CAPG: variants seen among roughly 807,000 people sequenced by gnomAD.
CAPG encodes capping actin protein, gelsolin like, also known as macrophage-capping protein.
Under a neutral mutation model 44.6 loss-of-function variants are expected in CAPG, and 32 were observed. That is an observed-to-expected ratio of 0.72 (90% CI 0.54 to 0.96). The LOEUF is 0.96. Among genes scored for constraint, CAPG ranks in the 50% least tolerant of loss-of-function variants. The pLI is 0.00. For synonymous variants in CAPG, 175 were observed against 179.6 expected (o/e 0.97, Z 0.20); for missense variants, 412 against 438.3 (o/e 0.94, Z 0.54).
chr2:85,405,883 A>T (rs1328788270), intron 1 of CAPG, among the ~76,000 whole-genome samples: 4 of 152,188 alleles, frequency 2.6e-5, no homozygotes, highest in Admixed American at 2.6e-4. Flanking sequence ...AGCTCAAGCC[A>T]TCAGGGAGCG....
At chr2:85,417,937 A>AT (rs1687603152) in intron 1 of CAPG, among the ~76,000 whole-genome samples, 1 of 152,060 alleles carries the variant, frequency 6.6e-6, no homozygotes. Flanking sequence ...AACTCGGTTT[A>AT]TTTTTGTCGT....
At chr2:85,393,936 G>C (rs11681965), downstream of CAPG, among the ~76,000 whole-genome samples, 7,204 of 152,210 alleles carry the variant, frequency 0.047, 235 homozygotes, top group Non-Finnish European at 0.074. Flanking sequence ...TTTTTGTTTT[G>C]GGATGAAAGA....
chr2:85,407,129 C>T (rs1182076167), intron 1 of CAPG, among the ~76,000 whole-genome samples: 2 of 151,922 alleles, frequency 1.3e-5, no homozygotes, highest in Non-Finnish European at 2.9e-5. Context: ...TGAGGTTTCA[C>T]CATGTCAGTC....
At chr2:85,408,204 T>C (rs1242873271) in intron 1 of CAPG, among the ~76,000 whole-genome samples, 2 of 152,060 alleles carry the variant, frequency 1.3e-5, no homozygotes, top group African/African-American at 2.4e-5. Flanking sequence ...TAGCCAGGCA[T>C]GGTGGTGCGT....
Position 85,395,635 on chromosome 2 carries a change from T to C in CAPG, c.893-9A>G, listed in dbSNP as rs764620906. On this transcript the variant is annotated splice_polypyrimidine_tract_variant and intron_variant, in intron 8 of 9. Coordinates refer to ENST00000263867, the MANE Select transcript of CAPG (RefSeq NM_001747.4). This position sits in a 1 kb window ranked among gnomAD's most constrained non-coding sequence, Gnocchi z 4.3. ...CTCATTCGCTTTTCGCCCTAGATCA[T>C]AGGAAGGAGATTTTTAAAAAGAGCA... 1 of 1,608,748 alleles carries C rather than the reference T, an allele frequency of 6.2e-7. No homozygotes were observed. Among genetic ancestry groups the C allele is most frequent in the South Asian group, 1.1e-5 (1 of 90,530 alleles).
At position 85,398,163 on chromosome 2, in the gene CAPG, G is replaced by C. The variant is rs1295177125; in HGVS notation, c.760-11C>G. On this transcript the variant is annotated splice_polypyrimidine_tract_variant and intron_variant, in intron 7 of 9. Coordinates refer to ENST00000263867, the MANE Select transcript of CAPG (RefSeq NM_001747.4). The stretch of plus-strand genomic sequence containing the variant: ...AGTGGCATCAGAGACCTGGGGAGGA[G>C]GGACAGTGCCTGATCTCACCCCCCA... 3 of 1,612,074 alleles carry C rather than the reference G, an allele frequency of 1.9e-6. No homozygotes were observed. Among genetic ancestry groups the C allele is most frequent in the Middle Eastern group, 1.9e-4 (1 of 5,212 alleles).
downstream of CAPG, among the ~76,000 whole-genome samples, chr2:85,392,548 AC>A (rs1295967607): frequency 6.6e-6 from 1 of 152,064 alleles, no homozygotes; most frequent in Non-Finnish European, 1.5e-5. Context: ...TTTAAGTCTG[AC>A]CCACTGCAGG....
chr2:85,416,718 C>T lies in CAPG; in HGVS notation c.-14+1549G>A, dbSNP rs898095246. 3.3e-5 allele frequency among the ~76,000 whole-genome samples: 5 copies of T among 152,088 alleles called. 1 individual carries two copies. The highest frequency in any genetic ancestry group is 2.1e-4 in the South Asian group (1 of 4,830). On this transcript the variant is annotated intron_variant, in intron 1 of 5. Coordinates refer to the CAPG transcript ENST00000409275. ...TAGTAGAGACAGGGTTTCATCATTT[C>T]GGCCAGGCTAGTCTCGAACTCCTGA...
intron 5 of CAPG, among the ~76,000 whole-genome samples, chr2:85,399,640 C>T (rs1003900090): frequency 3.9e-5 from 6 of 152,162 alleles, no homozygotes; most frequent in African/African-American, 9.7e-5. Flanking sequence ...TAAGCACTTG[C>T]CACCATGCCT....
chr2:85,406,218 C>G (rs1687145572), intron 1 of CAPG, among the ~76,000 whole-genome samples: 1 of 151,206 alleles, frequency 6.6e-6, no homozygotes, highest in Non-Finnish European at 1.5e-5. Context: ...TGCCACTGCA[C>G]TCCAGCCTGG....
In CAPG at chr2:85,401,260, G is replaced by C; in HGVS notation, c.421C>G (p.Gln141Glu). The C allele has an allele frequency of 1.9e-6, 3 of 1,614,150 alleles. No individual in the cohort carries two copies. Among genetic ancestry groups the C allele is most frequent in the Non-Finnish European group, 2.5e-6 (3 of 1,179,998 alleles). ...CGGATGTTCTTCTTCCCCTTCACCTGGTAGAGTTTCTTGATGGCAGCTGGG... is the reference window on the plus strand; with the variant it reads ...CGGATGTTCTTCTTCCCCTTCACCTCGTAGAGTTTCTTGATGGCAGCTGGG... ...GAPAAIKKLY[Q>E]VKGKKNIRAT... The change falls in exon 5 of 10, where the codon CAG (glutamine) becomes GAG (glutamate). Residue 141 changes from glutamine to glutamate, a missense_variant. Coordinates refer to ENST00000263867, the MANE Select transcript of CAPG (RefSeq NM_001747.4).
chr2:85,417,853 T>C (rs1157939003), intron 1 of CAPG, among the ~76,000 whole-genome samples: 1 of 152,184 alleles, frequency 6.6e-6, no homozygotes, highest in African/African-American at 2.4e-5. Flanking sequence ...GGTCTGATCC[T>C]GATGATAATA....
upstream of CAPG, among the ~76,000 whole-genome samples, chr2:85,413,670 A>T (rs576918256): frequency 1.2e-4 from 19 of 152,306 alleles, no homozygotes; most frequent in South Asian, 2.1e-4. Flanking sequence ...TGCACATGCT[A>T]ATGAGTTATC....
At chr2:85,396,822 A>C (rs1686622860) in intron 8 of CAPG, among the ~76,000 whole-genome samples, 1 of 152,140 alleles carries the variant, frequency 6.6e-6, no homozygotes, top group Admixed American at 6.5e-5. Flanking sequence ...TTTCAGAAGC[A>C]ATACTATGAA....
chr2:85,412,710 G>T (rs139009720), upstream of CAPG, among the ~76,000 whole-genome samples: 894 of 151,430 alleles, frequency 5.9e-3, 2 homozygotes, highest in Non-Finnish European at 0.01. Context: ...GTTTAAAAAA[G>T]AAAAAAAAGG....
chr2:85,397,934 C>A, intron 8 of CAPG, 86 bp downstream of exon 8: 1 of 1,355,738 alleles, frequency 7.4e-7, no homozygotes. Context: ...TTACAAGCAG[C>A]TAGACAGGCT....
intron 1 of CAPG, among the ~76,000 whole-genome samples, chr2:85,410,019 C>T (rs950259771): frequency 1.3e-5 from 2 of 152,250 alleles, no homozygotes; most frequent in Non-Finnish European, 2.9e-5. Context: ...ACAGCTGGGA[C>T]AAGCCCTGAC....
At chr2:85,404,041 T>C (rs1225263935) in intron 1 of CAPG, among the ~76,000 whole-genome samples, 2 of 152,034 alleles carry the variant, frequency 1.3e-5, no homozygotes, top group African/African-American at 2.4e-5. Context: ...CTAATAATAA[T>C]GCAGTGTATA....
chr2:85,410,053 A>G (rs914325706), intron 1 of CAPG, among the ~76,000 whole-genome samples: 3 of 152,254 alleles, frequency 2.0e-5, no homozygotes, highest in Admixed American at 6.5e-5. Context: ...CATGTGCAGC[A>G]TGGGCACAGC....
Sources: allele counts gnomAD v4.1 joint callset (sites outside exome capture counted in the v4.1 genomes callset), GRCh38; gene constraint gnomAD v4.1.1; non-coding constraint Gnocchi (gnomAD v3.1); transcripts MANE v1.5; gene names NCBI Gene and HGNC (gene_info 2026-07-23, HGNC 2026-07-21).